The following GPBP1L1 variants were observed in gnomAD, a reference collection of about 807,000 sequenced individuals.
GPBP1L1 encodes the protein vasculin-like protein 1.
A neutral mutation model predicts 52.5 loss-of-function variants in GPBP1L1; 23 were observed. The ratio of observed to expected loss-of-function variants is 0.44; its 90% CI spans 0.32 to 0.62. The LOEUF (loss-of-function observed/expected upper bound fraction) is 0.62, where lower values mean the gene tolerates loss of function less well. Ranked by LOEUF, GPBP1L1 falls within the 20% of genes least tolerant of loss-of-function variation. The pLI is 0.06. For synonymous variants in GPBP1L1, 243 were observed against 203.1 expected, an observed-to-expected ratio of 1.20 and a Z score of -1.67; for missense variants, 596 against 579.3, an observed-to-expected ratio of 1.03 and a Z score of -0.30.
intron 8 of GPBP1L1, among the ~76,000 whole-genome samples, chr1:45,639,104 A>G (rs959814432): frequency 6.6e-6 from 1 of 152,182 alleles, no homozygotes; most frequent in African/African-American, 2.4e-5. Flanking sequence ...AAAGCCTAAA[A>G]TATTTATTAT....
intron 8 of GPBP1L1, among the ~76,000 whole-genome samples, chr1:45,637,297 T>C (rs1027129358): frequency 3.9e-5 from 6 of 152,190 alleles, no homozygotes; most frequent in Non-Finnish European, 5.9e-5. Flanking sequence ...TTATTAGTTA[T>C]CTTACCTCTT....
chr1:45,656,670 T>C (rs1399547443), intron 4 of GPBP1L1, among the ~76,000 whole-genome samples: 1 of 131,976 alleles, frequency 7.6e-6, no homozygotes, highest in African/African-American at 2.9e-5. Context: ...TACATAAGCC[T>C]TTTTTTTTTT....
chr1:45,686,505 C>T lies in GPBP1L1; in HGVS notation c.-1236G>A, dbSNP rs2148534369. On this transcript the variant is annotated 5_prime_UTR_variant, in exon 1 of 13. The change abolishes an upstream ATG in the 5' untranslated region. Transcript: ENST00000355105. The stretch of plus-strand genomic sequence containing the variant: ...CCGGCAGAGGCGGCTAGTCCACAAC[C>T]ATAACAAAGCTCTTCCCAAAATGGC... 1 of 152,536 alleles carries T rather than the reference C, an allele frequency of 6.6e-6. No individual in the cohort carries two copies. The highest frequency in any genetic ancestry group is 2.4e-5 in the African/African-American group (1 of 41,590). The allele number at this position is 152,536 out of a possible 1,614,324, so 9.4% of individuals were successfully genotyped here.
At chr1:45,680,505 C>T (rs1375859547) in intron 2 of GPBP1L1, among the ~76,000 whole-genome samples, 1 of 152,068 alleles carries the variant, frequency 6.6e-6, no homozygotes, top group East Asian at 1.9e-4. Flanking sequence ...TCCCAAAGTG[C>T]TGGCATTACA....
At chr1:45,652,302 A>G (rs1033210829) in intron 6 of GPBP1L1, among the ~76,000 whole-genome samples, 9 of 152,270 alleles carry the variant, frequency 5.9e-5, no homozygotes, top group Non-Finnish European at 1.2e-4. Flanking sequence ...AGAGAATTAC[A>G]GTATGAATTA....
chr1:45,682,617 G>T (rs756956537), intron 2 of GPBP1L1, among the ~76,000 whole-genome samples: 3 of 152,088 alleles, frequency 2.0e-5, no homozygotes, highest in Non-Finnish European at 2.9e-5. Flanking sequence ...CCAATCCCTA[G>T]TTTCTTAACA....
intron 2 of GPBP1L1, among the ~76,000 whole-genome samples, chr1:45,667,161 G>A (rs1054900717): frequency 6.6e-6 from 1 of 152,042 alleles, no homozygotes; most frequent in Admixed American, 6.6e-5. Context: ...CCATGGAATT[G>A]CACACTTTTT....
At chr1:45,670,776 C>T (rs538063707) in intron 2 of GPBP1L1, among the ~76,000 whole-genome samples, 125 of 149,506 alleles carry the variant, frequency 8.4e-4, no homozygotes, top group Non-Finnish European at 1.7e-3. Context: ...TTCTACACTA[C>T]TACCATATGT....
At chr1:45,670,070 T>C (rs188427137) in intron 2 of GPBP1L1, among the ~76,000 whole-genome samples, 26 of 152,348 alleles carry the variant, frequency 1.7e-4, no homozygotes, top group Middle Eastern at 6.8e-3. Flanking sequence ...CACAAGGTAA[T>C]GTCATAATAC....
rs1203050358 is a variant in GPBP1L1, at chr1:45,654,538, C to T, written c.477+5G>A. 3 of 1,602,912 alleles carry T rather than the reference C, an allele frequency of 1.9e-6. No homozygotes were observed. The highest frequency in any genetic ancestry group is 2.6e-6 in the Non-Finnish European group (3 of 1,172,168). On this transcript the variant is annotated splice_donor_5th_base_variant and intron_variant, in intron 6 of 12. Coordinates refer to ENST00000355105, the MANE Select transcript of GPBP1L1 (RefSeq NM_021639.5). ...CTAACCACACATCTAAAGATTCATA[C>T]TTACAAAGTCCTCCTCTTCAAACTG...
chr1:45,660,346 C>T lies in GPBP1L1; in HGVS notation c.-218G>A. The stretch of plus-strand genomic sequence containing the variant: ...TTCTGTGTCGATCACTCTCTCAGTC[C>T]CCTCAACTGCTCATCTTAAACTATT... On this transcript the variant is annotated 5_prime_UTR_variant, in exon 3 of 13. Coordinates refer to ENST00000355105, the MANE Select transcript of GPBP1L1 (RefSeq NM_021639.5). 1.0e-6 allele frequency: 1 copy of T among 985,190 alleles called. No homozygotes were observed. The highest frequency in any genetic ancestry group is 1.2e-6 in the Non-Finnish European group (1 of 829,898). 61.0% of individuals were successfully genotyped at this position (985,190 alleles called of 1,614,324 possible).
intron 2 of GPBP1L1, among the ~76,000 whole-genome samples, chr1:45,663,243 C>A (rs898545822): frequency 1.8e-4 from 28 of 152,252 alleles, no homozygotes; most frequent in African/African-American, 6.7e-4. Context: ...GTTTAAACCA[C>A]AGAGAACCTG....
chr1:45,676,294 TTCTG>T (rs1282777031), intron 2 of GPBP1L1, among the ~76,000 whole-genome samples: 5 of 152,062 alleles, frequency 3.3e-5, no homozygotes, highest in East Asian at 1.9e-4. Flanking sequence ...CATACAGCAT[TTCTG>T]TCTATTAAGA....
At chr1:45,681,954 T>C (rs1034994619) in intron 2 of GPBP1L1, among the ~76,000 whole-genome samples, 1 of 152,232 alleles carries the variant, frequency 6.6e-6, no homozygotes, top group Admixed American at 6.5e-5. Context: ...CCGAAATTAC[T>C]TAACTTCTTG....
chr1:45,642,286 C>T (rs1033395915), intron 7 of GPBP1L1, 141 bp downstream of exon 7: 6 of 642,186 alleles, frequency 9.3e-6, no homozygotes, highest in South Asian at 3.8e-5. Context: ...CAGAATAACC[C>T]GCTACAGTCA....
At chr1:45,662,688 T>C (rs1232199855) in intron 2 of GPBP1L1, among the ~76,000 whole-genome samples, 2 of 152,324 alleles carry the variant, frequency 1.3e-5, no homozygotes, top group East Asian at 1.9e-4. Flanking sequence ...TAATGCCTTA[T>C]TTCTCAAGTT....
At chr1:45,669,506 A>G (rs998585702) in intron 2 of GPBP1L1, among the ~76,000 whole-genome samples, 6 of 152,212 alleles carry the variant, frequency 3.9e-5, no homozygotes, top group Admixed American at 2.0e-4. Context: ...CTGACTTTTG[A>G]CCAGCCTTGT....
At chr1:45,631,230 G>C (rs1266046525) in intron 10 of GPBP1L1, among the ~76,000 whole-genome samples, 1 of 151,876 alleles carries the variant, frequency 6.6e-6, no homozygotes, top group Admixed American at 6.6e-5. Context: ...GATTACCTTG[G>C]GTATGACATT....
At chr1:45,652,054 T>A (rs192652057) in intron 6 of GPBP1L1, among the ~76,000 whole-genome samples, 1 of 152,246 alleles carries the variant, frequency 6.6e-6, no homozygotes, top group African/African-American at 2.4e-5. Flanking sequence ...ATGACACTAC[T>A]AACATTTTAG....
Sources: allele counts gnomAD v4.1 joint callset (sites outside exome capture counted in the v4.1 genomes callset), GRCh38; gene constraint gnomAD v4.1.1; transcripts MANE v1.5; gene names NCBI Gene and HGNC (gene_info 2026-07-23, HGNC 2026-07-21).